HECW2: variants seen among roughly 807,000 people sequenced by gnomAD.
HECW2 encodes E3 ubiquitin-protein ligase HECW2.
A neutral mutation model predicts 175.2 loss-of-function variants in HECW2; 61 were observed. The observed-to-expected ratio is 0.35, with a 90% CI of 0.28 to 0.43. The LOEUF (loss-of-function observed/expected upper bound fraction) is 0.43, where lower values mean the gene tolerates loss of function less well. Among genes scored for constraint, HECW2 ranks in the 20% least tolerant of loss-of-function variants. HECW2 has a pLI of 1.00. For synonymous variants in HECW2, 671 were observed against 731.0 expected (o/e 0.92, Z 1.32); for missense variants, 1,524 against 2,000.5 (o/e 0.76, Z 4.54).
intron 17 of HECW2, among the ~76,000 whole-genome samples, chr2:196,267,883 G>C (rs1416289457): frequency 6.6e-6 from 1 of 152,168 alleles, no homozygotes; most frequent in Non-Finnish European, 1.5e-5. Flanking sequence ...CTTAAGTGGT[G>C]TGCCACAGAT....
chr2:196,415,255 A>G (rs976231519), intron 2 of HECW2, among the ~76,000 whole-genome samples: 5 of 152,202 alleles, frequency 3.3e-5, no homozygotes, highest in Non-Finnish European at 5.9e-5. Context: ...AGGAGACTGG[A>G]TGTGCATGTT....
At chr2:196,544,440 CCT>C (rs1024946847) in intron 1 of HECW2, among the ~76,000 whole-genome samples, 1 of 152,136 alleles carries the variant, frequency 6.6e-6, no homozygotes, top group Non-Finnish European at 1.5e-5. Context: ...ACAGCCATCC[CCT>C]CCCCTTTCAC....
chr2:196,368,547 T>C (rs1371131952), intron 2 of HECW2, among the ~76,000 whole-genome samples: 5 of 152,188 alleles, frequency 3.3e-5, no homozygotes, highest in Admixed American at 2.0e-4. Flanking sequence ...TTTCTGTTAT[T>C]ATCTCTTTGA....
At chr2:196,453,321 G>C (rs892693113) in intron 1 of HECW2, among the ~76,000 whole-genome samples, 5 of 152,302 alleles carry the variant, frequency 3.3e-5, no homozygotes, top group Non-Finnish European at 4.4e-5. Flanking sequence ...AGAAGACTTT[G>C]AAAGAACGCA....
intron 13 of HECW2, among the ~76,000 whole-genome samples, chr2:196,297,434 G>T (rs1486932759): frequency 6.6e-6 from 1 of 152,172 alleles, no homozygotes; most frequent in African/African-American, 2.4e-5. Flanking sequence ...AGAAGTAAAT[G>T]TCATTGCCAT....
At position 196,200,971 on chromosome 2, in the gene HECW2, C is replaced by T. The variant is rs906072772; in HGVS notation, c.*306G>A. On this transcript the variant is annotated 3_prime_UTR_variant, in exon 29 of 29. Coordinates refer to ENST00000644978, the MANE Select transcript of HECW2 (RefSeq NM_001348768.2). ...ATTCTCCTGAGTCCCTAAAAATTAC[C>T]GTGGAGCTGATCATGTATGGGTTCA... is the stretch of plus-strand genomic sequence containing the variant. 31 of 213,346 alleles carry T rather than the reference C, an allele frequency of 1.5e-4. No individual in the cohort carries two copies. The highest frequency in any genetic ancestry group is 6.3e-4 in the African/African-American group (28 of 44,286). The allele number at this position is 213,346 out of a possible 1,614,324, so 13.2% of individuals were successfully genotyped here.
intron 1 of HECW2, among the ~76,000 whole-genome samples, chr2:196,435,198 C>A (rs886412298): frequency 6.6e-6 from 1 of 152,068 alleles, no homozygotes; most frequent in Non-Finnish European, 1.5e-5. Flanking sequence ...GTTTTAAATC[C>A]CATATCTCTC....
chr2:196,195,267 C>T lies in HECW2; in HGVS notation c.*6010G>A, dbSNP rs913641542. ...GTAACCAGAAGTTGACTGATGGTTCCTTACCTGCATCAGTAATAGCTGATT... is the reference window on the plus strand; with the variant it reads ...GTAACCAGAAGTTGACTGATGGTTCTTTACCTGCATCAGTAATAGCTGATT... On this transcript the variant is annotated 3_prime_UTR_variant, in exon 29 of 29. Transcript: ENST00000644978. 6.6e-6 allele frequency: 1 copy of T among 152,132 alleles called. No homozygotes were observed. The highest frequency in any genetic ancestry group is 1.5e-5 in the Non-Finnish European group (1 of 68,028). The allele number at this position is 152,132 out of a possible 1,614,324, so 9.4% of individuals were successfully genotyped here. A position where few individuals can be genotyped will look rare whatever the true frequency, so the allele number is the denominator to read the frequency against.
intron 1 of HECW2, among the ~76,000 whole-genome samples, chr2:196,557,031 A>G (rs1426503762): frequency 6.6e-6 from 1 of 152,228 alleles, no homozygotes. Context: ...TAAAAAGTTC[A>G]ATACTAGTAG....
chr2:196,237,562 A>G (rs773786466), intron 21 of HECW2, among the ~76,000 whole-genome samples: 1 of 152,136 alleles, frequency 6.6e-6, no homozygotes, highest in Non-Finnish European at 1.5e-5. Context: ...TGGTGTATAT[A>G]TATACCATGT....
chr2:196,357,517 T>C (rs1693419614), intron 2 of HECW2, among the ~76,000 whole-genome samples: 1 of 152,338 alleles, frequency 6.6e-6, no homozygotes, highest in Non-Finnish European at 1.5e-5. Flanking sequence ...CATCACTTTG[T>C]AGCTCAGTAA....
At chr2:196,552,642 C>G (rs1422717828) in intron 1 of HECW2, among the ~76,000 whole-genome samples, 1 of 152,194 alleles carries the variant, frequency 6.6e-6, no homozygotes, top group Non-Finnish European at 1.5e-5. Context: ...CAAAGGAAGT[C>G]CTTCCTCTCT....
At chr2:196,265,718 C>T (rs1002449277) in intron 17 of HECW2, among the ~76,000 whole-genome samples, 1 of 152,140 alleles carries the variant, frequency 6.6e-6, no homozygotes, top group African/African-American at 2.4e-5. Context: ...GCTTACTATG[C>T]TTACACAGTA....
At chr2:196,363,370 AGT>A (rs1048313616) in intron 2 of HECW2, among the ~76,000 whole-genome samples, 12 of 151,984 alleles carry the variant, frequency 7.9e-5, no homozygotes, top group African/African-American at 2.2e-4. Context: ...ACCGAGAAGA[AGT>A]GATAACAGCC....
intron 1 of HECW2, among the ~76,000 whole-genome samples, chr2:196,453,828 T>C (rs1488243596): frequency 6.6e-6 from 1 of 152,108 alleles, no homozygotes; most frequent in African/African-American, 2.4e-5. Context: ...AGAATCAATA[T>C]AACCTTGAAA....
At chr2:196,217,139 A>T (rs772190844) in intron 26 of HECW2, 46 bp from the exon 27 acceptor site, 2 of 1,396,198 alleles carry the variant, frequency 1.4e-6, no homozygotes, top group South Asian at 1.2e-5. Flanking sequence ...ACTCTTCTAT[A>T]TTAAGCCACC....
At chr2:196,333,217 T>C (rs1692432190) in intron 4 of HECW2, among the ~76,000 whole-genome samples, 2 of 152,136 alleles carry the variant, frequency 1.3e-5, no homozygotes, top group East Asian at 1.9e-4. Context: ...ATTTGATTGA[T>C]GTCTCTCTTC....
chr2:196,378,573 A>G (rs1377928587), intron 2 of HECW2, among the ~76,000 whole-genome samples: 1 of 152,226 alleles, frequency 6.6e-6, no homozygotes, highest in Non-Finnish European at 1.5e-5. Flanking sequence ...CTCATTAGTC[A>G]CAATTGACAA....
chr2:196,458,471 C>A (rs1696605231), intron 1 of HECW2, among the ~76,000 whole-genome samples: 1 of 151,812 alleles, frequency 6.6e-6, no homozygotes, highest in Non-Finnish European at 1.5e-5. Flanking sequence ...TACACACACC[C>A]CAAGGGGATG....
Sources: gnomAD v4.1 joint callset for allele counts (sites outside exome capture counted in the v4.1 genomes callset) on GRCh38, gnomAD v4.1.1 for gene constraint, MANE v1.5 for transcripts, NCBI Gene and HGNC (gene_info 2026-07-23, HGNC 2026-07-21) for gene names.